TESK2: variants seen among roughly 807,000 people sequenced by gnomAD.
The protein encoded by TESK2 is testis associated actin remodelling kinase 2.
In TESK2, 39 loss-of-function variants were observed where a neutral mutation model predicts 57.1. The ratio of observed to expected loss-of-function variants is 0.68; its 90% CI spans 0.53 to 0.89. The LOEUF (loss-of-function observed/expected upper bound fraction) is 0.89, where lower values mean the gene tolerates loss of function less well. TESK2 is among the 40% of genes least tolerant of loss of function. The probability of loss-of-function intolerance (pLI) is 0.00; values close to 1 mark genes in which losing one functional copy is unlikely to be tolerated. For synonymous variants in TESK2, 249 were observed against 267.9 expected (o/e 0.93, Z 0.69); for missense variants, 646 against 732.1 (o/e 0.88, Z 1.36).
intron 3 of TESK2, among the ~76,000 whole-genome samples, chr1:45,418,751 G>C (rs1300882289): frequency 6.6e-6 from 1 of 151,898 alleles, no homozygotes; most frequent in Non-Finnish European, 1.5e-5. Flanking sequence ...AAAAAGCTTT[G>C]CATTTTTATA....
intron 2 of TESK2, among the ~76,000 whole-genome samples, chr1:45,447,173 T>C (rs1166690965): frequency 6.6e-6 from 1 of 152,192 alleles, no homozygotes; most frequent in African/African-American, 2.4e-5. Context: ...GCCAAGATAG[T>C]GCCACTGCAC....
intron 2 of TESK2, among the ~76,000 whole-genome samples, 192 bp from the exon 3 acceptor site, chr1:45,422,038 T>C (rs1650499285): frequency 6.6e-6 from 1 of 152,188 alleles, no homozygotes; most frequent in Non-Finnish European, 1.5e-5. Flanking sequence ...TATTTCACAT[T>C]GAGTTGGCCA....
At chr1:45,354,810 A>T (rs1647342740) in intron 5 of TESK2, among the ~76,000 whole-genome samples, 1 of 56,260 alleles carries the variant, frequency 1.8e-5, no homozygotes, top group African/African-American at 8.5e-5. Context: ...AAAAAAAAAA[A>T]AAAAAATATA....
intron 5 of TESK2, among the ~76,000 whole-genome samples, chr1:45,348,540 C>G (rs1417274228): frequency 1.3e-5 from 2 of 152,220 alleles, no homozygotes; most frequent in Admixed American, 1.3e-4. Context: ...TCCAACTGGC[C>G]TAGCCGCTGT....
intron 1 of TESK2, among the ~76,000 whole-genome samples, chr1:45,474,267 G>A (rs1652884842): frequency 6.6e-6 from 1 of 152,062 alleles, no homozygotes; most frequent in Non-Finnish European, 1.5e-5. Flanking sequence ...AACCCAGGAG[G>A]CGGAGCCTGC....
chr1:45,472,643 C>A (rs968809092), intron 1 of TESK2, among the ~76,000 whole-genome samples: 3 of 151,876 alleles, frequency 2.0e-5, no homozygotes, highest in African/African-American at 7.3e-5. Context: ...TAGAATCCCT[C>A]CCATGTTTCT....
intron 1 of TESK2, among the ~76,000 whole-genome samples, chr1:45,490,628 C>T (rs1432233228): frequency 2.0e-5 from 3 of 152,050 alleles, no homozygotes; most frequent in Non-Finnish European, 4.4e-5. Flanking sequence ...TAAGGGGGAG[C>T]AGACGTGGCG....
intron 2 of TESK2, among the ~76,000 whole-genome samples, chr1:45,443,200 G>A (rs1230907538): frequency 2.0e-5 from 3 of 152,008 alleles, no homozygotes; most frequent in South Asian, 2.1e-4. Flanking sequence ...CACTGTGCCC[G>A]GCCAACTAAG....
chr1:45,413,604 TTCTC>T (rs148557217), intron 3 of TESK2, among the ~76,000 whole-genome samples: 13 of 151,464 alleles, frequency 8.6e-5, no homozygotes, highest in African/African-American at 1.4e-4. Context: ...TTTCCTTCAT[TTCTC>T]TCTCTCTCTC....
chr1:45,377,174 G>A (rs527299513), intron 4 of TESK2, among the ~76,000 whole-genome samples: 5 of 152,054 alleles, frequency 3.3e-5, no homozygotes, highest in African/African-American at 1.2e-4. Context: ...GAGCTATGAT[G>A]GTGCCACTGT....
intron 1 of TESK2, among the ~76,000 whole-genome samples, chr1:45,469,744 T>C (rs1652692751): frequency 6.6e-6 from 1 of 152,212 alleles, no homozygotes; most frequent in Admixed American, 6.5e-5. Flanking sequence ...AGTATTGATT[T>C]AAACAGGCTT....
intron 3 of TESK2, among the ~76,000 whole-genome samples, chr1:45,413,682 A>C (rs773601081): frequency 6.6e-6 from 1 of 152,176 alleles, no homozygotes; most frequent in Non-Finnish European, 1.5e-5. Flanking sequence ...TAAAAAAGAT[A>C]AAAAGTGCAA....
chr1:45,419,193 G>C (rs1001954608), intron 3 of TESK2, among the ~76,000 whole-genome samples: 1 of 151,988 alleles, frequency 6.6e-6, no homozygotes, highest in Non-Finnish European at 1.5e-5. Context: ...GGCCAGGATG[G>C]TCTCGAACTC....
At chr1:45,380,984 T>C (rs778252788) in intron 4 of TESK2, among the ~76,000 whole-genome samples, 2 of 152,232 alleles carry the variant, frequency 1.3e-5, no homozygotes, top group Non-Finnish European at 2.9e-5. Context: ...AAATAGACTT[T>C]GAAGTCAGAT....
chr1:45,399,777 G>A (rs1272637377), intron 3 of TESK2, among the ~76,000 whole-genome samples: 9 of 152,150 alleles, frequency 5.9e-5, no homozygotes, highest in Non-Finnish European at 1.3e-4. Context: ...TTATTCCAAG[G>A]CAGGTCTTTT....
intron 4 of TESK2, among the ~76,000 whole-genome samples, chr1:45,384,377 A>ATCTATCTGTCTG (rs199815408): frequency 3.2e-4 from 45 of 139,006 alleles, no homozygotes; most frequent in African/African-American, 9.8e-4. Context: ...CTATCTATCT[A>ATCTATCTGTCTG]TCTATCTATC....
At chr1:45,416,029 T>C (rs1361380199) in intron 3 of TESK2, among the ~76,000 whole-genome samples, 2 of 146,720 alleles carry the variant, frequency 1.4e-5, no homozygotes, top group Non-Finnish European at 3.0e-5. Flanking sequence ...TCTTCCAATA[T>C]GGCCCAGGGA....
chr1:45,415,682 G>A (rs1244888189), intron 3 of TESK2, among the ~76,000 whole-genome samples: 3 of 152,142 alleles, frequency 2.0e-5, no homozygotes, highest in South Asian at 2.1e-4. Context: ...AGTGATTTAC[G>A]TGTACTAATT....
intron 1 of TESK2, among the ~76,000 whole-genome samples, chr1:45,481,658 T>G (rs1653230341): frequency 6.6e-6 from 1 of 152,024 alleles, no homozygotes; most frequent in Non-Finnish European, 1.5e-5. Context: ...ATTTTTTAAA[T>G]TTTTGGAGAT....
Sources: allele counts gnomAD v4.1 joint callset (sites outside exome capture counted in the v4.1 genomes callset), GRCh38; gene constraint gnomAD v4.1.1; transcripts MANE v1.5; gene names NCBI Gene and HGNC (gene_info 2026-07-23, HGNC 2026-07-21).